The following CACNA2D4 variants were observed in gnomAD, a reference collection of about 807,000 sequenced individuals.
CACNA2D4 encodes calcium voltage-gated channel auxiliary subunit alpha2delta 4.
A neutral mutation model predicts 163.8 loss-of-function variants in CACNA2D4; 157 were observed. The observed-to-expected ratio is 0.96, with a 90% CI of 0.84 to 1.09. CACNA2D4 has a LOEUF of 1.09. Ranked by LOEUF, CACNA2D4 falls within the 50% of genes least tolerant of loss-of-function variation. The pLI is 0.00. For synonymous variants in CACNA2D4, 598 were observed against 586.9 expected, an observed-to-expected ratio of 1.02 and a Z score of -0.27; for missense variants, 1,410 against 1,479.9, an observed-to-expected ratio of 0.95 and a Z score of 0.78.
At chr12:1,914,792 G>A in intron 2 of CACNA2D4, 62 bp downstream of exon 2, 1 of 1,138,142 alleles carries the variant, frequency 8.8e-7, no homozygotes, top group South Asian at 1.2e-5. Flanking sequence ...CCGGCATTTG[G>A]GGGCTTCGAT....
intron 25 of CACNA2D4, 54 bp from the exon 26 acceptor site, chr12:1,840,873 G>A (rs889044918): frequency 1.4e-6 from 2 of 1,467,900 alleles, no homozygotes; most frequent in Non-Finnish European, 1.9e-6. Flanking sequence ...TGGGGCAGGT[G>A]GAGCGCTACC....
intron 7 of CACNA2D4, among the ~76,000 whole-genome samples, chr12:1,886,699 C>G (rs1171144023): frequency 6.6e-6 from 1 of 152,186 alleles, no homozygotes; most frequent in Non-Finnish European, 1.5e-5. Flanking sequence ...ATTCTGTTAC[C>G]AACTTGCCAC....
intron 9 of CACNA2D4, among the ~76,000 whole-genome samples, chr12:1,885,459 A>C (rs1289861958): frequency 6.6e-6 from 1 of 152,196 alleles, no homozygotes; most frequent in Non-Finnish European, 1.5e-5. Context: ...CCCAGGGCAG[A>C]GGCCCGGCTT....
At chr12:1,837,551 G>A (rs1174946130) in intron 26 of CACNA2D4, among the ~76,000 whole-genome samples, 1 of 152,084 alleles carries the variant, frequency 6.6e-6, no homozygotes, top group Non-Finnish European at 1.5e-5. Context: ...TCAGCTATAT[G>A]GTTCATTAGT....
chr12:1,882,335 T>C (rs1224260868), intron 13 of CACNA2D4, among the ~76,000 whole-genome samples: 3 of 152,224 alleles, frequency 2.0e-5, no homozygotes, highest in Non-Finnish European at 2.9e-5. Flanking sequence ...GGTGGCTGCC[T>C]ATGTGATGGG....
chr12:1,849,062 C>T (rs529808753), intron 23 of CACNA2D4, among the ~76,000 whole-genome samples: 8 of 152,272 alleles, frequency 5.3e-5, no homozygotes, highest in African/African-American at 1.7e-4. Flanking sequence ...GTTCATTGTG[C>T]GTATTTCCTG....
chr12:1,906,750 A>T (rs890802102), intron 6 of CACNA2D4, among the ~76,000 whole-genome samples: 8 of 152,220 alleles, frequency 5.3e-5, no homozygotes. Flanking sequence ...CAACTATGGG[A>T]ACTGCAGGAG....
intron 6 of CACNA2D4, among the ~76,000 whole-genome samples, chr12:1,901,510 T>C (rs1028922990): frequency 1.3e-5 from 2 of 151,912 alleles, no homozygotes; most frequent in Non-Finnish European, 2.9e-5. Flanking sequence ...AAAGGAGACA[T>C]TACAACTGAC....
chr12:1,853,004 A>G (rs2154448239), intron 23 of CACNA2D4, among the ~76,000 whole-genome samples: 1 of 152,286 alleles, frequency 6.6e-6, no homozygotes, highest in East Asian at 1.9e-4. Flanking sequence ...CTGGCCCACT[A>G]GATTGTTTTT....
At chr12:1,886,969 A>G in intron 7 of CACNA2D4, 40 bp downstream of exon 7, 2 of 1,490,282 alleles carry the variant, frequency 1.3e-6, no homozygotes, top group African/African-American at 1.4e-5. Flanking sequence ...GCTATGAGAT[A>G]AATACCCGGG....
intron 6 of CACNA2D4, among the ~76,000 whole-genome samples, chr12:1,903,541 G>C (rs1043817655): frequency 6.6e-6 from 1 of 151,646 alleles, no homozygotes; most frequent in Non-Finnish European, 1.5e-5. Context: ...TCAAATAATC[G>C]ATTTTTAAAT....
intron 18 of CACNA2D4, among the ~76,000 whole-genome samples, chr12:1,862,388 C>T (rs1235526547): frequency 6.6e-6 from 1 of 152,162 alleles, no homozygotes; most frequent in Non-Finnish European, 1.5e-5. Context: ...TGTTATTAGT[C>T]TTTTAAATTT....
intron 29 of CACNA2D4, 62 bp downstream of exon 29, chr12:1,810,216 G>T: frequency 1.4e-6 from 2 of 1,399,412 alleles, no homozygotes; most frequent in Non-Finnish European, 2.0e-6. Context: ...TGGAGTGGCT[G>T]CCCAATGTCT....
At chr12:1,826,144 C>T (rs1323035710) in intron 26 of CACNA2D4, among the ~76,000 whole-genome samples, 1 of 152,148 alleles carries the variant, frequency 6.6e-6, no homozygotes, top group African/African-American at 2.4e-5. Context: ...GCTGACACCC[C>T]TCTCCTCTGG....
Position 1,843,495 on chromosome 12 carries a change from G to A in CACNA2D4, c.2470+907C>T, listed in dbSNP as rs1865076912. ...CCCACCTGCCTGTGCACACTCTCCA[G>A]GCCCCTGGATCCATGTGCTGGAATG... On this transcript the variant is annotated intron_variant, in intron 25 of 37. Coordinates refer to ENST00000382722, the MANE Select transcript of CACNA2D4 (RefSeq NM_172364.5). The surrounding 1 kb of genome is among the most constrained non-coding windows in gnomAD (Gnocchi z 4.6). Among the ~76,000 whole-genome samples, 1 of 152,118 alleles carries A rather than the reference G, an allele frequency of 6.6e-6. No homozygotes were observed. Among genetic ancestry groups the A allele is most frequent in the African/African-American group, 2.4e-5 (1 of 41,414 alleles).
At chr12:1,871,382 T>C (rs1210848295) in intron 18 of CACNA2D4, among the ~76,000 whole-genome samples, 1 of 151,264 alleles carries the variant, frequency 6.6e-6, no homozygotes, top group Non-Finnish European at 1.5e-5. Flanking sequence ...GCTGCTGGTG[T>C]GTGTGTACAC....
At chr12:1,885,101 A>G in intron 9 of CACNA2D4, 25 bp from the exon 10 acceptor site, 3 of 1,598,038 alleles carry the variant, frequency 1.9e-6, no homozygotes, top group Non-Finnish European at 2.6e-6. Context: ...ATATTAGAGA[A>G]GCATCAGGGG....
intron 6 of CACNA2D4, among the ~76,000 whole-genome samples, chr12:1,890,901 A>G (rs1866266360): frequency 1.3e-5 from 2 of 151,994 alleles, no homozygotes; most frequent in African/African-American, 4.8e-5. Flanking sequence ...GGTTGCACCC[A>G]CCCTTACATG....
At chr12:1,797,665 GAC>G (rs1040389978) in intron 34 of CACNA2D4, 130 bp from the exon 35 acceptor site, 2 of 725,764 alleles carry the variant, frequency 2.8e-6, no homozygotes, top group African/African-American at 3.5e-5. Context: ...CAGTTCTCAG[GAC>G]ACGCGTGGGA....
Sources: allele counts gnomAD v4.1 joint callset (sites outside exome capture counted in the v4.1 genomes callset), GRCh38; gene constraint gnomAD v4.1.1; non-coding constraint Gnocchi (gnomAD v3.1); transcripts MANE v1.5; gene names NCBI Gene and HGNC (gene_info 2026-07-23, HGNC 2026-07-21).